CAMTA1: variants seen among roughly 807,000 people sequenced by gnomAD.
CAMTA1 encodes the protein calmodulin-binding transcription activator 1.
A neutral mutation model predicts 170.9 loss-of-function variants in CAMTA1; 27 were observed. The observed-to-expected ratio is 0.16, with a 90% confidence interval of 0.12 to 0.22. The LOEUF (loss-of-function observed/expected upper bound fraction) is 0.22. CAMTA1 is among the 10% of genes least tolerant of loss of function. The pLI, the probability that CAMTA1 is intolerant of heterozygous loss-of-function variation, is 1.00. For missense variants in CAMTA1, 1,619 were observed against 2,217.2 expected (o/e 0.73, Z 5.42); for synonymous variants, 833 against 891.5 (o/e 0.93, Z 1.17).
At chr1:7,711,540 G>C (rs2096570719) in intron 11 of CAMTA1, among the ~76,000 whole-genome samples, 1 of 152,164 alleles carries the variant, frequency 6.6e-6, no homozygotes, top group Non-Finnish European at 1.5e-5. Context: ...TTTCTTCCTT[G>C]CTTTTATTCT....
intron 5 of CAMTA1, among the ~76,000 whole-genome samples, chr1:7,253,536 T>C (rs1666925404): frequency 6.6e-6 from 1 of 152,186 alleles, no homozygotes; most frequent in Admixed American, 6.5e-5. Context: ...AGCCACACAA[T>C]TACTACTGAG....
chr1:6,993,657 C>T (rs549195688), intron 3 of CAMTA1, among the ~76,000 whole-genome samples: 6 of 152,132 alleles, frequency 3.9e-5, no homozygotes, highest in East Asian at 3.8e-4. Flanking sequence ...TTGAAGTCTA[C>T]GCTACATAGC....
intron 3 of CAMTA1, among the ~76,000 whole-genome samples, chr1:7,046,062 G>C (rs546277843): frequency 6.6e-5 from 10 of 152,310 alleles, no homozygotes; most frequent in South Asian, 6.2e-4. Flanking sequence ...GTTGGGAGGG[G>C]ACCCCTTCAT....
intron 5 of CAMTA1, among the ~76,000 whole-genome samples, chr1:7,454,665 C>T (rs2092909311): frequency 6.6e-6 from 1 of 152,106 alleles, no homozygotes; most frequent in Admixed American, 6.5e-5. Context: ...GAAGGGGCCT[C>T]TACCCCCGCT....
chr1:7,229,307 G>A (rs1417799863), intron 4 of CAMTA1, among the ~76,000 whole-genome samples: 1 of 150,552 alleles, frequency 6.6e-6, no homozygotes, highest in Non-Finnish European at 1.5e-5. Flanking sequence ...CAGGGAGCCG[G>A]GAAAGTGAGG....
intron 4 of CAMTA1, among the ~76,000 whole-genome samples, chr1:7,205,206 C>T (rs1050840691): frequency 6.6e-6 from 1 of 152,054 alleles, no homozygotes; most frequent in African/African-American, 2.4e-5. Flanking sequence ...CTCCTGGGTT[C>T]AAGCTATTTT....
chr1:7,465,415 G>T (rs2093187241), intron 5 of CAMTA1, among the ~76,000 whole-genome samples: 1 of 152,040 alleles, frequency 6.6e-6, no homozygotes. Flanking sequence ...TGTGATCCTT[G>T]CCTATTGGGG....
intron 5 of CAMTA1, among the ~76,000 whole-genome samples, chr1:7,294,654 A>G (rs191104618): frequency 6.6e-5 from 10 of 152,198 alleles, no homozygotes; most frequent in Admixed American, 1.3e-4. Flanking sequence ...TGGTCCCTGG[A>G]GTAGTGGGTT....
At chr1:7,343,227 G>A (rs566217141) in intron 5 of CAMTA1, among the ~76,000 whole-genome samples, 4 of 152,330 alleles carry the variant, frequency 2.6e-5, no homozygotes, top group Admixed American at 6.5e-5. Flanking sequence ...AGGGCTCAGC[G>A]ACTCCGATGG....
rs1158273230 is a variant in CAMTA1 at position 7,681,510 on chromosome 1, C to T, written c.2914+3777C>T. Among the ~76,000 whole-genome samples the T allele has an allele frequency of 6.6e-6, 1 of 152,184 alleles. No homozygotes were observed. Among genetic ancestry groups the T allele is most frequent in the Admixed American group, 6.5e-5 (1 of 15,282 alleles). ...AAAGGTGCGGATTCAGAACAAATTTCCTCTGTCCTGACCTGACCCCAGGCC... is the reference window on the plus strand; with the variant it reads ...AAAGGTGCGGATTCAGAACAAATTTTCTCTGTCCTGACCTGACCCCAGGCC... On this transcript the variant is annotated intron_variant, in intron 11 of 22. Transcript: ENST00000303635. This position sits in a 1 kb window ranked among gnomAD's most constrained non-coding sequence, Gnocchi z 4.6.
rs1482564766 is a variant in CAMTA1 at position 7,736,032 on chromosome 1, C to A, written c.3067-312C>A. Among the ~76,000 whole-genome samples the A allele has an allele frequency of 6.6e-6, 1 of 152,120 alleles. No homozygotes were observed. Among genetic ancestry groups the A allele is most frequent in the Non-Finnish European group, 1.5e-5 (1 of 68,026 alleles). ...ACAAGAGATCTGCCCGCCTCAGCCT[C>A]CCAAAGTGCTGGGATTTCAGGCATG... On this transcript the variant is annotated intron_variant, in intron 12 of 22. Transcript: ENST00000303635. This position sits in a 1 kb window ranked among gnomAD's most constrained non-coding sequence, Gnocchi z 4.5.
chr1:7,697,938 T>G (rs4908680), intron 11 of CAMTA1, among the ~76,000 whole-genome samples: 136,985 of 152,186 alleles, frequency 0.9, 61,912 homozygotes, highest in East Asian at 1. Flanking sequence ...GAATGGGTAC[T>G]TTCTCTTGAT....
intron 6 of CAMTA1, among the ~76,000 whole-genome samples, chr1:7,515,370 A>G (rs2094269254): frequency 6.6e-6 from 1 of 152,124 alleles, no homozygotes; most frequent in Admixed American, 6.5e-5. Context: ...TGGCACCAAA[A>G]CACCTGATTC....
intron 4 of CAMTA1, among the ~76,000 whole-genome samples, chr1:7,204,164 G>A (rs550666909): frequency 1.3e-5 from 2 of 151,814 alleles, no homozygotes; most frequent in Admixed American, 6.6e-5. Context: ...CTATTCTCAC[G>A]TCATTAACTT....
chr1:7,270,291 A>ATATATATATATATATTTTTTTT (rs1336977888), intron 5 of CAMTA1, among the ~76,000 whole-genome samples: 1 of 110,570 alleles, frequency 9.0e-6, no homozygotes, highest in African/African-American at 3.4e-5. Flanking sequence ...ATATATATAT[A>ATATATATATATATATTTTTTTT]TTTTTTTTTT....
chr1:6,882,902 C>T (rs1672009865), intron 3 of CAMTA1, among the ~76,000 whole-genome samples: 2 of 151,972 alleles, frequency 1.3e-5, no homozygotes, highest in South Asian at 4.2e-4. Context: ...TGGGGGTGTC[C>T]TGGAAGTGCA....
chr1:7,097,266 CTG>C (rs1436681419), intron 4 of CAMTA1, among the ~76,000 whole-genome samples: 3 of 152,222 alleles, frequency 2.0e-5, no homozygotes, highest in Non-Finnish European at 4.4e-5. Context: ...TCTTCACAGC[CTG>C]TGTGCAGGGA....
chr1:7,132,889 T>G (rs1645344050), intron 4 of CAMTA1, among the ~76,000 whole-genome samples: 1 of 152,208 alleles, frequency 6.6e-6, no homozygotes, highest in African/African-American at 2.4e-5. Flanking sequence ...GTCTTTTAGT[T>G]TGTTAATAGG....
intron 6 of CAMTA1, among the ~76,000 whole-genome samples, chr1:7,520,406 G>A (rs550666005): frequency 4.0e-5 from 6 of 149,560 alleles, no homozygotes; most frequent in East Asian, 2.0e-4. Context: ...GCCCCTCTCC[G>A]AAGTGCTGAG....
Sources: allele counts gnomAD v4.1 joint callset (sites outside exome capture counted in the v4.1 genomes callset), GRCh38; gene constraint gnomAD v4.1.1; non-coding constraint Gnocchi (gnomAD v3.1); transcripts MANE v1.5; gene names NCBI Gene and HGNC (gene_info 2026-07-23, HGNC 2026-07-21).